GPR26: variants seen among roughly 807,000 people sequenced by gnomAD.
GPR26 encodes G protein-coupled receptor 26.
GPR26 carries 15 observed loss-of-function variants against 23.1 expected under a neutral mutation model. That is an observed-to-expected ratio of 0.65 (90% CI 0.43 to 1.00). The LOEUF (loss-of-function observed/expected upper bound fraction) is 1.00. Among genes scored for constraint, GPR26 ranks in the 50% least tolerant of loss-of-function variants. The probability of loss-of-function intolerance (pLI) is 0.00; values close to 1 mark genes in which losing one functional copy is unlikely to be tolerated. For missense variants in GPR26, 359 were observed against 470.5 expected, an observed-to-expected ratio of 0.76 and a Z score of 2.19; for synonymous variants, 228 against 222.1, an observed-to-expected ratio of 1.03 and a Z score of -0.24.
Position 123,688,333 on chromosome 10 carries a change from A to G in GPR26, c.*173A>G. 2 of 610,772 alleles carry G rather than the reference A, an allele frequency of 3.3e-6. No individual in the cohort carries two copies. The highest frequency in any genetic ancestry group is 5.8e-6 in the Non-Finnish European group (2 of 343,878). 37.8% of individuals were successfully genotyped at this position (610,772 alleles called of 1,614,324 possible). ...GCCTGCTTCCTGGTTCCTCAAGGGC[A>G]GATATTGGACACTCCTTATTTGTCA... On this transcript the variant is annotated 3_prime_UTR_variant, in exon 3 of 3. Coordinates refer to ENST00000284674, the MANE Select transcript of GPR26 (RefSeq NM_153442.4).
chr10:123,669,140 C>T (rs1182022816), intron 1 of GPR26, among the ~76,000 whole-genome samples: 1 of 152,230 alleles, frequency 6.6e-6, no homozygotes, highest in Non-Finnish European at 1.5e-5. Context: ...CAGGCCCAGT[C>T]TCATTGGAGA....
rs983859251 is a variant in GPR26 at position 123,666,608 on chromosome 10, C to T, written c.201C>T (p.Val67=). 1.3e-6 allele frequency: 2 copies of T among 1,590,436 alleles called. No homozygotes were observed. The highest frequency in any genetic ancestry group is 8.5e-7 in the Non-Finnish European group (1 of 1,171,420). Reference sequence around the variant, plus strand: ...ACATGCCGCTCACGCTGGCCGGCGTCGTGGCGCAGCGGCAGCCGGCGGGCG... The same window carrying T: ...ACATGCCGCTCACGCTGGCCGGCGTTGTGGCGCAGCGGCAGCCGGCGGGCG... The part of the protein sequence containing the change: ...VVNMPLTLAG[V]VAQRQPAGDR... Residue 67 remains valine, a synonymous_variant, in exon 1 of 3, where the codon GTC becomes GTT. Transcript: ENST00000284674.
chr10:123,667,112 CG>C, intron 1 of GPR26, 37 bp downstream of exon 1: 1 of 1,440,892 alleles, frequency 6.9e-7, no homozygotes, highest in South Asian at 1.3e-5. Context: ...GGAACAGCCG[CG>C]CGGGATCTCG....
At chr10:123,685,591 AC>A (rs1401578580) in intron 2 of GPR26, among the ~76,000 whole-genome samples, 1 of 152,240 alleles carries the variant, frequency 6.6e-6, no homozygotes, top group East Asian at 1.9e-4. Flanking sequence ...TAAAGGCCAG[AC>A]ATTGGCTTTT....
rs1254170496 is a variant in GPR26, at chr10:123,688,541, A to G, written c.*381A>G. 8.0e-6 allele frequency: 2 copies of G among 249,486 alleles called. No homozygotes were observed. Among genetic ancestry groups the G allele is most frequent in the African/African-American group, 4.5e-5 (2 of 44,908 alleles). The allele number at this position is 249,486 out of a possible 1,614,324, so 15.5% of individuals were successfully genotyped here. On this transcript the variant is annotated 3_prime_UTR_variant, in exon 3 of 3. Coordinates refer to ENST00000284674, the MANE Select transcript of GPR26 (RefSeq NM_153442.4). ...CCTGCTGACCACTGGACGCTGCTCC[A>G]TGCTGAAGAAAAGTGACAGTCTCCA...
chr10:123,681,385 G>A (rs764791639), intron 2 of GPR26, among the ~76,000 whole-genome samples: 14 of 152,210 alleles, frequency 9.2e-5, no homozygotes, highest in Non-Finnish European at 1.6e-4. Context: ...TGCAGTTTCC[G>A]AGATGACTGA....
rs201844113 is a variant in GPR26 at position 123,672,966 on chromosome 10, ATGT to A, written c.669-1848_669-1846del. On this transcript the variant is annotated intron_variant, in intron 1 of 2. Coordinates refer to ENST00000284674, the MANE Select transcript of GPR26 (RefSeq NM_153442.4). The stretch of plus-strand genomic sequence containing the variant: ...TGATATCAGTCCCTCACTCACATAA[ATGT>A]TGTGAGTTTTAAATAAATGAATAAT... Among the ~76,000 whole-genome samples, 61 of 152,210 alleles carry A rather than the reference ATGT, an allele frequency of 4.0e-4. No homozygotes were observed. In the East Asian group the frequency reaches 9.9e-3, roughly 25 times the overall value.
At position 123,688,012 on chromosome 10, in the gene GPR26, C is replaced by A. The variant is rs1845447682; in HGVS notation, c.866C>A (p.Ser289Tyr). 1 of 1,614,014 alleles carries A rather than the reference C, an allele frequency of 6.2e-7. No individual in the cohort carries two copies. The highest frequency in any genetic ancestry group is 8.5e-7 in the Non-Finnish European group (1 of 1,179,918). ...TGCTTGGCGTACAGCAAGGCCGCAT[C>A]CGACCCCTTTGTGTACTCCTTACTG... is the stretch of plus-strand genomic sequence containing the variant. ...SKCLAYSKAA[S>Y]DPFVYSLLRH... Residue 289 changes from serine to tyrosine, a missense_variant, in exon 3 of 3, where the codon TCC (serine) becomes TAC (tyrosine). Physicochemically the swap from Ser to Tyr is moderately radical, Grantham distance 144. Transcript: ENST00000284674.
At chr10:123,686,588 T>C (rs1845432628) in intron 2 of GPR26, among the ~76,000 whole-genome samples, 1 of 152,092 alleles carries the variant, frequency 6.6e-6, no homozygotes, top group South Asian at 2.1e-4. Context: ...CTCCTCCTCC[T>C]CTTCGCCAGC....
chr10:123,688,038 C>T lies in GPR26; in HGVS notation c.892C>T (p.Arg298Ter). The T allele has an allele frequency of 7.4e-6, 12 of 1,613,622 alleles. No homozygotes were observed. Among genetic ancestry groups the T allele is most frequent in the East Asian group, 2.2e-5 (1 of 44,882 alleles). The change falls in exon 3 of 3, where the codon CGA becomes TGA. Residue 298 changes from arginine to a stop codon, truncating the protein, a stop_gained. Transcript: ENST00000284674. LOFTEE classifies it high-confidence loss of function. ...ASDPFVYSLLRHQYRKSCKEI... is the reference protein window; with the variant it reads ...ASDPFVYSLL Reference sequence around the variant, plus strand: ...CGACCCCTTTGTGTACTCCTTACTGCGACACCAGTACCGCAAAAGCTGCAA... The same window carrying T: ...CGACCCCTTTGTGTACTCCTTACTGTGACACCAGTACCGCAAAAGCTGCAA...
intron 2 of GPR26, among the ~76,000 whole-genome samples, chr10:123,684,895 C>T (rs1414376769): frequency 1.3e-5 from 2 of 152,164 alleles, no homozygotes; most frequent in Non-Finnish European, 2.9e-5. Flanking sequence ...GGGGCCATGA[C>T]AAAAGGAAGC....
chr10:123,695,423 T>C lies in GPR26; in HGVS notation c.*7263T>C, dbSNP rs768530797. On this transcript the variant is annotated 3_prime_UTR_variant, in exon 3 of 3. Transcript: ENST00000284674. ...ATAGAAGCCAAAGCCCATGATTTGA[T>C]GGTTTCAAGAGCCTAAAATCTGTAT... 3.3e-5 allele frequency among the ~76,000 whole-genome samples: 5 copies of C among 152,166 alleles called. No homozygotes were observed. The highest frequency in any genetic ancestry group is 4.4e-5 in the Non-Finnish European group (3 of 68,032).
rs1269201506 is a variant in GPR26 at position 123,692,433 on chromosome 10, C to T, written c.*4273C>T. 3 of 152,300 alleles carry T rather than the reference C, an allele frequency of 2.0e-5. No individual in the cohort carries two copies. The highest frequency in any genetic ancestry group is 4.4e-5 in the Non-Finnish European group (3 of 68,112). 9.4% of individuals were successfully genotyped at this position (152,300 alleles called of 1,614,324 possible). A position where few individuals can be genotyped will look rare whatever the true frequency, so the allele number is the denominator to read the frequency against. On this transcript the variant is annotated 3_prime_UTR_variant, in exon 3 of 3. Transcript: ENST00000284674. Reference sequence around the variant, plus strand: ...TCCATGCCAGTATCTGGGTGTGGGTCTCTTGTTGGCTCCCAGCTCATCCCG... The same window carrying T: ...TCCATGCCAGTATCTGGGTGTGGGTTTCTTGTTGGCTCCCAGCTCATCCCG...
Position 123,691,161 on chromosome 10 carries a change from A to T in GPR26, c.*3001A>T, listed in dbSNP as rs1260652238. ...TCTGAGGGAGGGGATTTTACAGCCG[A>T]GGGACCTCCAAAGGGAACGTCCATT... On this transcript the variant is annotated 3_prime_UTR_variant, in exon 3 of 3. Coordinates refer to ENST00000284674, the MANE Select transcript of GPR26 (RefSeq NM_153442.4). 6.6e-6 allele frequency: 1 copy of T among 152,136 alleles called. No individual in the cohort carries two copies. The highest frequency in any genetic ancestry group is 1.5e-5 in the Non-Finnish European group (1 of 68,026). The allele number at this position is 152,136 out of a possible 1,614,324, so 9.4% of individuals were successfully genotyped here. A position where few individuals can be genotyped will look rare whatever the true frequency, so the allele number is the denominator to read the frequency against.
At chr10:123,684,137 C>T (rs1215221454) in intron 2 of GPR26, among the ~76,000 whole-genome samples, 3 of 152,292 alleles carry the variant, frequency 2.0e-5, no homozygotes, top group African/African-American at 7.2e-5. Flanking sequence ...TAAGCATGAA[C>T]GTTTCCCCCG....
intron 1 of GPR26, among the ~76,000 whole-genome samples, chr10:123,670,446 G>C (rs528480320): frequency 2.3e-4 from 35 of 152,332 alleles, no homozygotes; most frequent in African/African-American, 8.2e-4. Flanking sequence ...CTCACCAACT[G>C]TGTCTATAGA....
intron 2 of GPR26, among the ~76,000 whole-genome samples, chr10:123,684,820 C>T (rs1282501078): frequency 6.6e-6 from 1 of 152,200 alleles, no homozygotes; most frequent in Non-Finnish European, 1.5e-5. Context: ...GGATCACATT[C>T]CGACACTAGG....
intron 1 of GPR26, among the ~76,000 whole-genome samples, chr10:123,672,282 T>C (rs943508471): frequency 6.6e-5 from 10 of 152,154 alleles, no homozygotes; most frequent in Non-Finnish European, 1.3e-4. Context: ...CCATCTGTGA[T>C]CTGGGGTGCG....
In GPR26 at chr10:123,666,992, G is replaced by A; in HGVS notation, c.585G>A (p.Val195=). The change falls in exon 1 of 3, where the codon GTG becomes GTA. Residue 195 remains valine (V), a synonymous_variant. Transcript: ENST00000284674. ...TGCTCTGCTGCACGTACCTCAAGGT[G>A]CTCAAGGTGGCCCGCTTCCATTGCA... The part of the protein sequence containing the change: ...FVVLCCTYLK[V]LKVARFHCKR... 6.2e-7 allele frequency: 1 copy of A among 1,613,200 alleles called. No individual in the cohort carries two copies. The highest frequency in any genetic ancestry group is 1.3e-5 in the African/African-American group (1 of 75,046).
Sources: gnomAD v4.1 joint callset for allele counts (sites outside exome capture counted in the v4.1 genomes callset) on GRCh38, gnomAD v4.1.1 for gene constraint, MANE v1.5 for transcripts, NCBI Gene and HGNC (gene_info 2026-07-23, HGNC 2026-07-21) for gene names.